The following NIN variants were observed in gnomAD, a reference collection of about 807,000 sequenced individuals.
The protein encoded by NIN is ninein.
NIN carries 137 observed loss-of-function variants against 257.6 expected under a neutral mutation model. The ratio of observed to expected loss-of-function variants is 0.53; its 90% confidence interval spans 0.46 to 0.61. The LOEUF (loss-of-function observed/expected upper bound fraction) is 0.61. NIN is among the 20% of genes least tolerant of loss of function. NIN has a pLI of 0.00. For synonymous variants in NIN, 918 were observed against 919.8 expected, an observed-to-expected ratio of 1.00 and a Z score of 0.04; for missense variants, 2,439 against 2,501.2, an observed-to-expected ratio of 0.98 and a Z score of 0.53.
At chr14:50,745,399 T>G (rs1020660166) in intron 22 of NIN, among the ~76,000 whole-genome samples, 1 of 152,202 alleles carries the variant, frequency 6.6e-6, no homozygotes, top group Non-Finnish European at 1.5e-5. Flanking sequence ...AAAGAGGCTG[T>G]TTCTTACACT....
intron 20 of NIN, 75 bp downstream of exon 20, chr14:50,754,488 G>A (rs370889736): frequency 1.6e-4 from 193 of 1,228,826 alleles, no homozygotes; most frequent in African/African-American, 3.6e-4. Flanking sequence ...ACCGTGTGCT[G>A]TAAATTTATA....
intron 28 of NIN, among the ~76,000 whole-genome samples, chr14:50,734,343 C>T (rs1412286260): frequency 2.0e-5 from 3 of 152,114 alleles, no homozygotes; most frequent in South Asian, 4.1e-4. Flanking sequence ...CCACCTGCCT[C>T]AGCCTCCCAA....
intron 3 of NIN, among the ~76,000 whole-genome samples, chr14:50,817,541 A>C (rs186210523): frequency 1.1e-4 from 17 of 152,280 alleles, no homozygotes; most frequent in Admixed American, 8.5e-4. Context: ...TTGATTACCA[A>C]AGTCTAGATT....
chr14:50,748,424 C>T (rs2041648958), intron 21 of NIN, among the ~76,000 whole-genome samples: 1 of 152,256 alleles, frequency 6.6e-6, no homozygotes, highest in Non-Finnish European at 1.5e-5. Flanking sequence ...GACAAGGATA[C>T]CCTCTCTCAC....
intron 3 of NIN, among the ~76,000 whole-genome samples, chr14:50,807,414 T>C (rs970713123): frequency 2.0e-5 from 3 of 152,244 alleles, no homozygotes; most frequent in Non-Finnish European, 4.4e-5. Flanking sequence ...AATAGAGTTA[T>C]CTTGACTGAA....
chr14:50,738,965 C>A (rs768717473), intron 26 of NIN, among the ~76,000 whole-genome samples: 4 of 152,020 alleles, frequency 2.6e-5, no homozygotes, highest in Non-Finnish European at 5.9e-5. Flanking sequence ...TTTAGACCTG[C>A]AAGATCTGAG....
chr14:50,731,906 G>A (rs1214447527), intron 28 of NIN, among the ~76,000 whole-genome samples: 1 of 152,196 alleles, frequency 6.6e-6, no homozygotes, highest in Non-Finnish European at 1.5e-5. Flanking sequence ...TGGAGACGCA[G>A]AATGCAGTAT....
intron 5 of NIN, among the ~76,000 whole-genome samples, chr14:50,785,992 T>C (rs2043331586): frequency 6.6e-6 from 1 of 152,190 alleles, no homozygotes; most frequent in Non-Finnish European, 1.5e-5. Context: ...AATTAAGTGC[T>C]ACAAGTGCAT....
At chr14:50,797,521 A>ACC (rs1157392644) in intron 4 of NIN, among the ~76,000 whole-genome samples, 1 of 152,140 alleles carries the variant, frequency 6.6e-6, no homozygotes, top group Non-Finnish European at 1.5e-5. Flanking sequence ...GCATGTGCAA[A>ACC]CCTCAAGGCC....
chr14:50,804,373 C>G (rs2044229552), intron 4 of NIN, among the ~76,000 whole-genome samples: 1 of 152,194 alleles, frequency 6.6e-6, no homozygotes, highest in East Asian at 1.9e-4. Flanking sequence ...AGCACAGGCT[C>G]AATCCTAGGT....
chr14:50,753,901 G>A (rs1416358688), intron 20 of NIN, among the ~76,000 whole-genome samples: 1 of 151,106 alleles, frequency 6.6e-6, no homozygotes, highest in Non-Finnish European at 1.5e-5. Context: ...TCTGTGACTT[G>A]ACCATTCATA....
intron 5 of NIN, among the ~76,000 whole-genome samples, chr14:50,791,087 A>G (rs1419426460): frequency 2.6e-5 from 4 of 152,266 alleles, no homozygotes; most frequent in African/African-American, 9.6e-5. Flanking sequence ...TCCAAATAAC[A>G]AAAACTTACC....
rs2040293688 is a variant in NIN at position 50,722,672 on chromosome 14, AG to A, written c.*790del. Reference sequence around the variant, plus strand: ...TTCTAAGAGTAGCTATTTACTCCAAAGTGGTTTGTTCAGTGCTTTCCCTATA... The same window carrying A: ...TTCTAAGAGTAGCTATTTACTCCAAATGGTTTGTTCAGTGCTTTCCCTATA... On this transcript the variant is annotated 3_prime_UTR_variant, in exon 31 of 31. Transcript: ENST00000530997. The A allele has an allele frequency of 4.6e-6, 1 of 216,926 alleles. No homozygotes were observed. Among genetic ancestry groups the A allele is most frequent in the Non-Finnish European group, 9.3e-6 (1 of 107,510 alleles). The allele number at this position is 216,926 out of a possible 1,614,324, so 13.4% of individuals were successfully genotyped here.
chr14:50,785,022 A>T (rs2043283968), intron 5 of NIN, among the ~76,000 whole-genome samples: 1 of 152,192 alleles, frequency 6.6e-6, no homozygotes, highest in African/African-American at 2.4e-5. Flanking sequence ...CCAACCCCTC[A>T]GGCAGACAAA....
chr14:50,756,447 A>G, intron 18 of NIN, 45 bp downstream of exon 18: 1 of 1,534,320 alleles, frequency 6.5e-7, no homozygotes. Flanking sequence ...AGATCTGGTG[A>G]GGTGCTCTGT....
Position 50,763,943 on chromosome 14 carries a change from C to T in NIN, c.1657G>A (p.Glu553Lys). The T allele has an allele frequency of 6.2e-7, 1 of 1,614,070 alleles. No homozygotes were observed. The highest frequency in any genetic ancestry group is 8.5e-7 in the Non-Finnish European group (1 of 1,179,946). ...TATTCTTCCAGCTCAGACTGGAGTT[C>T]ATCTACTTGGTCTTGTAGTACCTGG... ...QCRVLQDQVD[E>K]LQSELEEYRA... Residue 553 changes from glutamate to lysine, a missense_variant, in exon 15 of 31, where the codon GAA (glutamate) becomes AAA (lysine). Around this residue, in one of 3 missense-constraint regions of NIN, gnomAD observed 2,043 missense variants for 2,050.2 expected, o/e 1.00. Coordinates refer to ENST00000530997, the MANE Select transcript of NIN (RefSeq NM_020921.4).
intron 12 of NIN, among the ~76,000 whole-genome samples, chr14:50,769,096 G>T (rs2042621347): frequency 6.6e-6 from 1 of 152,230 alleles, no homozygotes; most frequent in African/African-American, 2.4e-5. Flanking sequence ...GGAGTATCAA[G>T]AACCTTTTGC....
rs895462443 is a variant in NIN, at chr14:50,737,846, C to T, written c.5775+294G>A. On this transcript the variant is annotated intron_variant, in intron 27 of 30. Transcript: ENST00000530997. The stretch of plus-strand genomic sequence containing the variant: ...TTTTTTAGTAGAGATGGAGTTTTAC[C>T]GTATTGGTCAGGCTGGTCTCAAACT... Among the ~76,000 whole-genome samples, 15 of 151,938 alleles carry T rather than the reference C, an allele frequency of 9.9e-5. No homozygotes were observed. In the East Asian group the frequency reaches 2.7e-3, roughly 27 times the overall value.
At chr14:50,730,277 T>G (rs754182206) in intron 28 of NIN, among the ~76,000 whole-genome samples, 1 of 152,136 alleles carries the variant, frequency 6.6e-6, no homozygotes, top group Non-Finnish European at 1.5e-5. Context: ...CAGACAATTC[T>G]GGGGCATAAA....
Sources: allele counts gnomAD v4.1 joint callset (sites outside exome capture counted in the v4.1 genomes callset), GRCh38; gene constraint gnomAD v4.1.1; regional missense constraint gnomAD v4.1.1; transcripts MANE v1.5; gene names NCBI Gene and HGNC (gene_info 2026-07-23, HGNC 2026-07-21).